Variants in MORC3 observed in about 807,000 individuals in gnomAD.
MORC3 encodes MORC family CW-type zinc finger 3.
A neutral mutation model predicts 109.1 loss-of-function variants in MORC3; 31 were observed. The ratio of observed to expected loss-of-function variants is 0.28; its 90% CI spans 0.21 to 0.38. The LOEUF (loss-of-function observed/expected upper bound fraction) is 0.38, where lower values mean the gene tolerates loss of function less well. Ranked by LOEUF, MORC3 falls within the 10% of genes least tolerant of loss-of-function variation. The pLI, the probability that MORC3 is intolerant of heterozygous loss-of-function variation, is 1.00. For missense variants in MORC3, 867 were observed against 1,135.8 expected (o/e 0.76, Z 3.40); for synonymous variants, 395 against 380.7 (o/e 1.04, Z -0.44).
At chr21:36,351,573 T>G (rs1298518894) in intron 9 of MORC3, among the ~76,000 whole-genome samples, 2 of 152,196 alleles carry the variant, frequency 1.3e-5, no homozygotes, top group Admixed American at 6.5e-5. Flanking sequence ...TGTAATGTCC[T>G]CCAGGTATAT....
At chr21:36,331,799 C>T (rs755378871) in intron 1 of MORC3, among the ~76,000 whole-genome samples, 3 of 152,090 alleles carry the variant, frequency 2.0e-5, no homozygotes, top group Non-Finnish European at 4.4e-5. Flanking sequence ...TGCGTTCAAA[C>T]GAAAAACCTT....
Position 36,369,357 on chromosome 21 carries a change from T to C in MORC3, c.1989T>C (p.Asn663=). Residue 663 remains asparagine, a synonymous_variant, in exon 15 of 17, where the codon AAT becomes AAC. Transcript: ENST00000400485. The part of the protein sequence containing the change: ...ETVEDEIDVR[N]DAVILPSCVE... ...TTGAAGACGAGATAGACGTAAGAAA[T>C]GATGCAGTGATTCTGCCCTCCTGTG... 1 of 1,614,142 alleles carries C rather than the reference T, an allele frequency of 6.2e-7. No homozygotes were observed. The highest frequency in any genetic ancestry group is 8.5e-7 in the Non-Finnish European group (1 of 1,180,030).
intron 4 of MORC3, 23 bp downstream of exon 4, chr21:36,337,969 A>C: frequency 6.2e-7 from 1 of 1,604,978 alleles, no homozygotes; most frequent in African/African-American, 1.3e-5. Context: ...TTGTGAAATA[A>C]AAGCTGTGGA....
chr21:36,358,378 T>A (rs1243699846), intron 10 of MORC3, among the ~76,000 whole-genome samples: 3 of 151,858 alleles, frequency 2.0e-5, no homozygotes, highest in Admixed American at 6.6e-5. Context: ...AGAGTGAAAC[T>A]CTGTCTCAAA....
chr21:36,366,707 G>A (rs1357162024), intron 14 of MORC3, among the ~76,000 whole-genome samples: 2 of 152,106 alleles, frequency 1.3e-5, no homozygotes, highest in Non-Finnish European at 1.5e-5. Context: ...TGCCTGCCTC[G>A]GCCTCCCAAA....
intron 1 of MORC3, 86 bp downstream of exon 1, chr21:36,320,389 C>A: frequency 1.7e-6 from 2 of 1,201,936 alleles, no homozygotes; most frequent in Non-Finnish European, 2.1e-6. Context: ...GCGGTGGCGG[C>A]TTGTGGGGCC....
chr21:36,338,449 AG>A (rs2085397447), intron 4 of MORC3, among the ~76,000 whole-genome samples: 1 of 152,128 alleles, frequency 6.6e-6, no homozygotes, highest in Admixed American at 6.5e-5. Flanking sequence ...CCACTTTGGG[AG>A]GCCAAGACAG....
chr21:36,346,131 G>C (rs1233333082), intron 8 of MORC3, among the ~76,000 whole-genome samples: 1 of 151,902 alleles, frequency 6.6e-6, no homozygotes, highest in Non-Finnish European at 1.5e-5. Flanking sequence ...AGCGATTCTC[G>C]GGCCTTAGCC....
chr21:36,355,029 T>G (rs1037821231), intron 9 of MORC3, among the ~76,000 whole-genome samples: 1 of 152,214 alleles, frequency 6.6e-6, no homozygotes, highest in Non-Finnish European at 1.5e-5. Flanking sequence ...AGCAGGAATT[T>G]ATTGTTTTGA....
chr21:36,374,893 A>C (rs759273492), intron 16 of MORC3, among the ~76,000 whole-genome samples: 1 of 152,116 alleles, frequency 6.6e-6, no homozygotes, highest in Non-Finnish European at 1.5e-5. Context: ...GCTGGTCTCG[A>C]ACTCCTGGGC....
chr21:36,354,322 T>TG (rs2085617296), intron 9 of MORC3, among the ~76,000 whole-genome samples: 1 of 97,402 alleles, frequency 1.0e-5, no homozygotes, highest in Non-Finnish European at 2.0e-5. Flanking sequence ...TTTCTTTCTT[T>TG]CTTTTTTTTT....
chr21:36,369,327 A>T lies in MORC3; in HGVS notation c.1959A>T (p.Glu653Asp). The change falls in exon 15 of 17, where the codon GAA (glutamate) becomes GAT (aspartate). Residue 653 changes from glutamate (E) to aspartate (D), a missense_variant. By Grantham distance (45) the Glu-to-Asp change is conservative (BLOSUM62 2). Around this residue, in one of 7 missense-constraint regions of MORC3, gnomAD observed 486 missense variants for 502.1 expected, o/e 0.97. Transcript: ENST00000400485. ...EVPSLVVKKEETVEDEIDVRN... is the reference protein window; with the variant it reads ...EVPSLVVKKEDTVEDEIDVRN... ...CAAGTTTAGTTGTTAAAAAAGAAGA[A>T]ACTGTTGAAGACGAGATAGACGTAA... 6.2e-7 allele frequency: 1 copy of T among 1,614,158 alleles called. No individual in the cohort carries two copies. The highest frequency in any genetic ancestry group is 8.5e-7 in the Non-Finnish European group (1 of 1,180,032).
rs571944189 is a variant in MORC3 at position 36,371,825 on chromosome 21, T to G, written c.2509-549T>G. ...GTTTTGTTTTGTTTTGTTTTTTTTT[T>G]TTTTTGAGATGGAACTTCGCTCTTG... On this transcript the variant is annotated intron_variant, in intron 15 of 16. Transcript: ENST00000400485. 6.3e-3 allele frequency among the ~76,000 whole-genome samples: 961 copies of G among 151,580 alleles called. 7 individuals are homozygous for G. The highest frequency in any genetic ancestry group is 0.014 in the Middle Eastern group (4 of 294).
intron 14 of MORC3, among the ~76,000 whole-genome samples, chr21:36,368,359 C>T (rs925766168): frequency 3.4e-5 from 5 of 145,204 alleles, no homozygotes; most frequent in Admixed American, 1.4e-4. Flanking sequence ...AAGAAGGGGC[C>T]GGGGTGGGTA....
chr21:36,372,549 GT>G lies in MORC3; in HGVS notation c.2666+23del. ...GGAGAAAGGTAATATTAAATGAGGC[GT>G]TTTTGTGGGGCTGCAATTATGGTTA... is the stretch of plus-strand genomic sequence containing the variant. On this transcript the variant is annotated intron_variant, in intron 16 of 16. Coordinates refer to ENST00000400485, the MANE Select transcript of MORC3 (RefSeq NM_015358.3). 6.4e-7 allele frequency: 1 copy of G among 1,558,908 alleles called. No individual in the cohort carries two copies. The highest frequency in any genetic ancestry group is 8.6e-7 in the Non-Finnish European group (1 of 1,160,426).
At chr21:36,346,738 A>G (rs1446223560) in intron 8 of MORC3, among the ~76,000 whole-genome samples, 2 of 151,730 alleles carry the variant, frequency 1.3e-5, no homozygotes, top group African/African-American at 2.4e-5. Flanking sequence ...GAGCCCAAGA[A>G]GTTGAGGCTG....
intron 9 of MORC3, among the ~76,000 whole-genome samples, chr21:36,354,997 G>C (rs541875012): frequency 6.6e-6 from 1 of 152,254 alleles, no homozygotes; most frequent in South Asian, 2.1e-4. Flanking sequence ...ATACTGTGAA[G>C]TCATGCACAA....
intron 8 of MORC3, chr21:36,348,292 T>C (rs1432958093): frequency 6.6e-6 from 1 of 152,226 alleles, no homozygotes; most frequent in African/African-American, 2.4e-5. Context: ...CTCACAAACG[T>C]ATGGAATATT....
intron 10 of MORC3, among the ~76,000 whole-genome samples, chr21:36,359,556 C>CTTTTTTTTTT (rs5843757): frequency 1.1e-5 from 1 of 93,950 alleles, no homozygotes; most frequent in Non-Finnish European, 1.9e-5. Context: ...CTTTCCTCTC[C>CTTTTTTTTTT]TTTTTTTTTT....
Sources: gnomAD v4.1 joint callset for allele counts (sites outside exome capture counted in the v4.1 genomes callset) on GRCh38, gnomAD v4.1.1 for gene constraint, gnomAD v4.1.1 regional missense constraint, MANE v1.5 for transcripts, NCBI Gene and HGNC (gene_info 2026-07-23, HGNC 2026-07-21) for gene names.